The following NEK1 variants were observed in gnomAD, a reference collection of about 807,000 sequenced individuals.
NEK1 encodes NIMA related kinase 1.
Under a neutral mutation model 182.1 loss-of-function variants are expected in NEK1, and 137 were observed. That is an observed-to-expected ratio of 0.75 (90% CI 0.65 to 0.87). The LOEUF (loss-of-function observed/expected upper bound fraction) is 0.87, where lower values mean the gene tolerates loss of function less well. Among genes scored for constraint, NEK1 ranks in the 40% least tolerant of loss-of-function variants. NEK1 has a pLI of 0.00. For synonymous variants in NEK1, 513 were observed against 492.2 expected, an observed-to-expected ratio of 1.04 and a Z score of -0.56; for missense variants, 1,391 against 1,494.4, an observed-to-expected ratio of 0.93 and a Z score of 1.14.
At chr4:169,407,347 T>A (rs1409994657) in intron 31 of NEK1, among the ~76,000 whole-genome samples, 2 of 152,204 alleles carry the variant, frequency 1.3e-5, no homozygotes, top group Non-Finnish European at 2.9e-5. Context: ...AACTGCTGAT[T>A]AGCCACATAC....
chr4:169,588,088 T>C (rs1315843398), intron 8 of NEK1, among the ~76,000 whole-genome samples: 1 of 152,104 alleles, frequency 6.6e-6, no homozygotes, highest in Non-Finnish European at 1.5e-5. Context: ...GAATTGCTCT[T>C]TCTACGCACA....
intron 18 of NEK1, among the ~76,000 whole-genome samples, chr4:169,546,298 G>A (rs949289378): frequency 7.2e-5 from 11 of 152,194 alleles, no homozygotes; most frequent in African/African-American, 2.7e-4. Flanking sequence ...GCGATTTTGA[G>A]TGAGTTTCTT....
intron 4 of NEK1, among the ~76,000 whole-genome samples, chr4:169,601,201 A>G (rs1161338056): frequency 6.6e-6 from 1 of 152,202 alleles, no homozygotes; most frequent in Non-Finnish European, 1.5e-5. Context: ...CACAGAGTTC[A>G]TCTGGGAATG....
At chr4:169,493,624 A>C (rs1017467572) in intron 23 of NEK1, among the ~76,000 whole-genome samples, 3 of 152,218 alleles carry the variant, frequency 2.0e-5, no homozygotes, top group African/African-American at 7.2e-5. Flanking sequence ...TAAAAAACTC[A>C]CTATGGGAAT....
chr4:169,494,945 G>C (rs973343490), intron 23 of NEK1, among the ~76,000 whole-genome samples: 1 of 152,246 alleles, frequency 6.6e-6, no homozygotes, highest in East Asian at 1.9e-4. Context: ...TGATGGCGTT[G>C]TTCTTTTCTT....
At chr4:169,419,708 T>C (rs1360256517) in intron 31 of NEK1, among the ~76,000 whole-genome samples, 1 of 152,176 alleles carries the variant, frequency 6.6e-6, no homozygotes, top group Non-Finnish European at 1.5e-5. Context: ...TAGAGTGTAA[T>C]TACACAAACC....
intron 27 of NEK1, among the ~76,000 whole-genome samples, chr4:169,453,897 G>A (rs1415347301): frequency 1.3e-5 from 2 of 152,074 alleles, no homozygotes; most frequent in African/African-American, 2.4e-5. Context: ...TAGTGCGGCT[G>A]GGTTAGGGTC....
At chr4:169,481,917 T>A (rs949176800) in intron 23 of NEK1, among the ~76,000 whole-genome samples, 2 of 152,228 alleles carry the variant, frequency 1.3e-5, no homozygotes, top group African/African-American at 4.8e-5. Context: ...CTAGATGGCA[T>A]CTTCTTCCAA....
rs148873155 is a variant in NEK1, at chr4:169,502,421, G to A, written c.2007+4616C>T. On this transcript the variant is annotated intron_variant, in intron 23 of 35. Transcript: ENST00000507142. ...ATCATGATATCAAAATATGGCAAGG[G>A]CACAACAAAAAAAGAAAACTACAGG... Among the ~76,000 whole-genome samples the A allele has an allele frequency of 1.3e-4, 20 of 151,772 alleles. No homozygotes were observed. In the East Asian group the frequency reaches 3.9e-3, roughly 29 times the overall value.
chr4:169,587,753 A>G (rs1164541491), intron 8 of NEK1, 140 bp from the exon 9 acceptor site: 3 of 472,450 alleles, frequency 6.3e-6, no homozygotes, highest in Non-Finnish European at 7.6e-6. Context: ...TTTCAACCAT[A>G]ATCAAATGAC....
At chr4:169,424,207 C>T (rs1319832346) in intron 31 of NEK1, among the ~76,000 whole-genome samples, 2 of 152,090 alleles carry the variant, frequency 1.3e-5, no homozygotes, top group Non-Finnish European at 2.9e-5. Flanking sequence ...GGCAATATAG[C>T]ACCTCTGTCT....
chr4:169,602,033 A>G lies in NEK1; in HGVS notation c.189T>C (p.Ile63=), dbSNP rs541721919. 1.2e-6 allele frequency: 2 copies of G among 1,612,634 alleles called. No homozygotes were observed. Among genetic ancestry groups the G allele is most frequent in the Admixed American group, 1.7e-5 (1 of 60,008 alleles). The change falls in exon 4 of 36, where the codon ATT becomes ATC. Residue 63 remains isoleucine, a synonymous_variant. Coordinates refer to ENST00000507142, the MANE Select transcript of NEK1 (RefSeq NM_001199397.3). ...CTTCAAATGATTCTCTATACTGGAC[A>G]ATATTTGGATGCTTCATGTTTGCCA... ...AVLANMKHPN[I]VQYRESFEEN...
intron 16 of NEK1, among the ~76,000 whole-genome samples, chr4:169,557,564 C>T (rs202112782): frequency 6.6e-6 from 1 of 151,944 alleles, no homozygotes. Context: ...GTGATGAGAA[C>T]AGAAGCCACA....
intron 23 of NEK1, among the ~76,000 whole-genome samples, chr4:169,486,795 A>G (rs1023570814): frequency 6.6e-6 from 1 of 152,250 alleles, no homozygotes; most frequent in South Asian, 2.1e-4. Context: ...TAAAAATAAG[A>G]CAAAGATGGA....
At chr4:169,508,994 C>T (rs901212334) in intron 19 of NEK1, 142 bp from the exon 20 acceptor site, 15 of 582,066 alleles carry the variant, frequency 2.6e-5, no homozygotes, top group Non-Finnish European at 3.7e-5. Context: ...CAAACCCTGG[C>T]GTTTTCCTAT....
intron 31 of NEK1, among the ~76,000 whole-genome samples, chr4:169,420,967 G>A (rs1735391207): frequency 6.6e-6 from 1 of 152,084 alleles, no homozygotes; most frequent in Non-Finnish European, 1.5e-5. Flanking sequence ...CTAACTGTAA[G>A]AAATCCACTT....
At chr4:169,463,591 C>T (rs969715633) in intron 26 of NEK1, among the ~76,000 whole-genome samples, 196 bp from the exon 27 acceptor site, 1 of 152,054 alleles carries the variant, frequency 6.6e-6, no homozygotes, top group Admixed American at 6.6e-5. Flanking sequence ...AATATATCTA[C>T]AATTGCCTTG....
At chr4:169,406,267 T>C (rs142623649) in intron 32 of NEK1, among the ~76,000 whole-genome samples, 132 of 152,018 alleles carry the variant, frequency 8.7e-4, no homozygotes, top group African/African-American at 3.0e-3. Flanking sequence ...TCTCTTAAAA[T>C]AGATAAAAAT....
chr4:169,443,843 T>G (rs554850877), intron 27 of NEK1, among the ~76,000 whole-genome samples: 1 of 152,210 alleles, frequency 6.6e-6, no homozygotes, highest in South Asian at 2.1e-4. Flanking sequence ...AGAAAACTTA[T>G]AAGATAGGAG....
Sources: allele counts gnomAD v4.1 joint callset (sites outside exome capture counted in the v4.1 genomes callset), GRCh38; gene constraint gnomAD v4.1.1; transcripts MANE v1.5; gene names NCBI Gene and HGNC (gene_info 2026-07-23, HGNC 2026-07-21).